CTNNA2: variants seen among roughly 807,000 people sequenced by gnomAD.
The protein encoded by CTNNA2 is catenin alpha-2.
CTNNA2 carries 42 observed loss-of-function variants against 101.0 expected under a neutral mutation model. The observed-to-expected ratio is 0.42, with a 90% CI of 0.32 to 0.54. The LOEUF (loss-of-function observed/expected upper bound fraction) is 0.54, where lower values mean the gene tolerates loss of function less well. Ranked by LOEUF, CTNNA2 falls within the 20% of genes least tolerant of loss-of-function variation. CTNNA2 has a pLI of 0.14. For missense variants in CTNNA2, 871 were observed against 1,223.1 expected (o/e 0.71, Z 4.29); for synonymous variants, 450 against 456.4 (o/e 0.99, Z 0.18).
At chr2:80,351,797 A>C (rs1673324288) in intron 7 of CTNNA2, among the ~76,000 whole-genome samples, 2 of 151,976 alleles carry the variant, frequency 1.3e-5, no homozygotes, top group African/African-American at 4.8e-5. Flanking sequence ...AGTTTGGGCT[A>C]ATTTTATCTT....
rs536157386 is a variant in CTNNA2, at chr2:80,145,583, T to C, written c.1056+235786T>C. On this transcript the variant is annotated intron_variant, in intron 7 of 18. Transcript: ENST00000402739. ...ATTCAATTAACAGGAATTTAATTAGTGCCTACTCTTTGTGAGGTAGATTAA... is the reference window on the plus strand; with the variant it reads ...ATTCAATTAACAGGAATTTAATTAGCGCCTACTCTTTGTGAGGTAGATTAA... Among the ~76,000 whole-genome samples the C allele has an allele frequency of 2.6e-5, 4 of 152,340 alleles. No homozygotes were observed. In the South Asian group the frequency reaches 8.3e-4, roughly 32 times the overall value.
chr2:80,528,809 A>G (rs571410655), intron 9 of CTNNA2, among the ~76,000 whole-genome samples: 10 of 152,308 alleles, frequency 6.6e-5, no homozygotes, highest in Non-Finnish European at 1.5e-4. Flanking sequence ...ATGTTTTTAC[A>G]CTGATTCTTC....
chr2:79,197,264 G>A (rs1473876211), intron 1 of CTNNA2, among the ~76,000 whole-genome samples: 1 of 152,156 alleles, frequency 6.6e-6, no homozygotes, highest in East Asian at 1.9e-4. Flanking sequence ...ATTTGGCAGA[G>A]ACTCAAAGGC....
intron 1 of CTNNA2, among the ~76,000 whole-genome samples, chr2:79,189,856 C>A (rs536003340): frequency 3.3e-5 from 5 of 152,034 alleles, no homozygotes; most frequent in Middle Eastern, 3.4e-3. Flanking sequence ...AGATTTAGAT[C>A]GCAAAGGTGC....
intron 9 of CTNNA2, among the ~76,000 whole-genome samples, chr2:80,523,520 C>T (rs952531039): frequency 1.3e-5 from 2 of 152,186 alleles, no homozygotes; most frequent in Admixed American, 6.5e-5. Context: ...ACGACAATTC[C>T]TACTGCTGAT....
upstream of CTNNA2, among the ~76,000 whole-genome samples, chr2:79,512,691 C>G (rs969118935): frequency 5.3e-5 from 8 of 152,024 alleles, no homozygotes; most frequent in African/African-American, 7.2e-5. Context: ...GCACCTGCGC[C>G]CTACGGCGGT....
rs550424827 is a variant in CTNNA2 at position 80,423,352 on chromosome 2, G to A, written c.1290+3751G>A. On this transcript the variant is annotated intron_variant, in intron 9 of 18. Coordinates refer to ENST00000402739, the MANE Select transcript of CTNNA2 (RefSeq NM_001282597.3). ...TCCCTCTAATCTATGCTTAAGTCTG[G>A]TTATTTTCTACTGCTCTAATTTTAA... Among the ~76,000 whole-genome samples the A allele has an allele frequency of 7.6e-4, 116 of 152,040 alleles. 1 individual carries two copies. Among genetic ancestry groups the A allele is most frequent in the African/African-American group, 2.6e-3 (107 of 41,480 alleles).
chr2:80,130,367 T>C (rs1441323647), intron 7 of CTNNA2, among the ~76,000 whole-genome samples: 2 of 152,230 alleles, frequency 1.3e-5, no homozygotes, highest in Non-Finnish European at 2.9e-5. Context: ...ATTCCCATTA[T>C]AGAGCAGTCT....
chr2:80,134,798 G>A (rs1395846551), intron 7 of CTNNA2, among the ~76,000 whole-genome samples: 1 of 152,114 alleles, frequency 6.6e-6, no homozygotes, highest in Non-Finnish European at 1.5e-5. Context: ...TACAGACATT[G>A]TACAAAGAAA....
intron 9 of CTNNA2, among the ~76,000 whole-genome samples, chr2:80,520,434 G>A (rs1689446442): frequency 6.6e-6 from 1 of 152,238 alleles, no homozygotes; most frequent in Middle Eastern, 3.4e-3. Context: ...GTCGGTTCAG[G>A]TATTATAACA....
At chr2:80,111,348 A>G (rs1322181582) in intron 7 of CTNNA2, among the ~76,000 whole-genome samples, 3 of 152,218 alleles carry the variant, frequency 2.0e-5, no homozygotes, top group Non-Finnish European at 4.4e-5. Flanking sequence ...GGCTATGACT[A>G]CATGAGAAAT....
intron 1 of CTNNA2, among the ~76,000 whole-genome samples, chr2:79,190,403 T>C (rs1195229142): frequency 6.6e-6 from 1 of 152,116 alleles, no homozygotes; most frequent in Non-Finnish European, 1.5e-5. Flanking sequence ...TCAACGTCTG[T>C]TTAAGTCTAA....
intron 9 of CTNNA2, among the ~76,000 whole-genome samples, chr2:80,542,709 G>A (rs911786076): frequency 6.6e-6 from 1 of 152,050 alleles, no homozygotes; most frequent in African/African-American, 2.4e-5. Flanking sequence ...CTTTTGCACA[G>A]CAAGCAGGGA....
Position 80,608,120 on chromosome 2 carries a change from T to G in CTNNA2, c.2296-64T>G, listed in dbSNP as rs566102601. On this transcript the variant is annotated intron_variant, in intron 16 of 18. Transcript: ENST00000402739. Reference sequence around the variant, plus strand: ...AAAACTTTTCTTCCTGCAGCTTTTCTATAACAAATGTTAGAAACTGAAGAG... The same window carrying G: ...AAAACTTTTCTTCCTGCAGCTTTTCGATAACAAATGTTAGAAACTGAAGAG... 6.6e-5 allele frequency: 99 copies of G among 1,494,440 alleles called. 1 individual carries two copies. The South Asian group carries it at 1.3e-3, about 19-fold the overall frequency. The allele number at this position is 1,494,440 out of a possible 1,614,324, so 92.6% of individuals were successfully genotyped here.
chr2:80,302,589 C>A lies in CTNNA2; in HGVS notation c.1057-90622C>A. On this transcript the variant is annotated intron_variant, in intron 7 of 18. Coordinates refer to ENST00000402739, the MANE Select transcript of CTNNA2 (RefSeq NM_001282597.3). The surrounding 1 kb of genome is among the most constrained non-coding windows in gnomAD (Gnocchi z 6.4). ...GCGTGCTCGCCGCCTGGAAGAGCCA[C>A]GGTGGCAGGCTCGAATGTGCCGTCG... 6.2e-7 allele frequency: 1 copy of A among 1,606,888 alleles called. No homozygotes were observed. The highest frequency in any genetic ancestry group is 8.5e-7 in the Non-Finnish European group (1 of 1,178,980).
chr2:79,407,416 T>C (rs1316105803), intron 4 of CTNNA2, among the ~76,000 whole-genome samples: 1 of 152,004 alleles, frequency 6.6e-6, no homozygotes, highest in African/African-American at 2.4e-5. Context: ...AGAACTAAGA[T>C]GAGAAATCAC....
chr2:79,706,729 T>G (rs1511189), intron 2 of CTNNA2, among the ~76,000 whole-genome samples: 81,446 of 151,926 alleles, frequency 0.54, 22,478 homozygotes, highest in East Asian at 0.92. Context: ...AAGAAAATCT[T>G]GGGTGGTGGG....
chr2:79,946,655 T>G (rs1371566207), intron 7 of CTNNA2, among the ~76,000 whole-genome samples: 2 of 152,190 alleles, frequency 1.3e-5, no homozygotes, highest in Non-Finnish European at 2.9e-5. Context: ...GAAAGAGGTG[T>G]GTTATCAGAC....
chr2:79,596,543 A>G (rs930347498), intron 1 of CTNNA2, among the ~76,000 whole-genome samples: 1 of 152,208 alleles, frequency 6.6e-6, no homozygotes, highest in African/African-American at 2.4e-5. Context: ...GACAGCAATG[A>G]CAGTGGAAGG....
Sources: gnomAD v4.1 joint callset for allele counts (sites outside exome capture counted in the v4.1 genomes callset) on GRCh38, gnomAD v4.1.1 for gene constraint, Gnocchi (gnomAD v3.1) non-coding constraint, MANE v1.5 for transcripts, NCBI Gene and HGNC (gene_info 2026-07-23, HGNC 2026-07-21) for gene names.